The following PAK2 variants were observed in gnomAD, a reference collection of about 807,000 sequenced individuals.
PAK2 encodes the protein serine/threonine-protein kinase PAK 2.
In PAK2, 21 loss-of-function variants were observed where a neutral mutation model predicts 65.9. The ratio of observed to expected loss-of-function variants is 0.32; its 90% CI spans 0.23 to 0.46. The LOEUF is 0.46. Among genes scored for constraint, PAK2 ranks in the 20% least tolerant of loss-of-function variants. PAK2 has a pLI of 1.00. For synonymous variants in PAK2, 204 were observed against 219.7 expected (o/e 0.93, Z 0.63); for missense variants, 324 against 642.6 (o/e 0.50, Z 5.36).
chr3:196,763,951 A>G (rs1577705286), intron 1 of PAK2, among the ~76,000 whole-genome samples: 1 of 141,758 alleles, frequency 7.1e-6, no homozygotes, highest in African/African-American at 2.6e-5. Flanking sequence ...GGCGCCCACC[A>G]CCACGCCCGG....
chr3:196,760,498 G>A (rs1319689234), intron 1 of PAK2, among the ~76,000 whole-genome samples: 2 of 152,074 alleles, frequency 1.3e-5, no homozygotes, highest in Non-Finnish European at 2.9e-5. Context: ...TGAACCGCCG[G>A]CCTCAGCCTC....
chr3:196,803,438 T>G (rs755383911), intron 4 of PAK2, among the ~76,000 whole-genome samples: 39 of 152,316 alleles, frequency 2.6e-4, no homozygotes, highest in Non-Finnish European at 4.6e-4. Flanking sequence ...ATTGCTGTGT[T>G]TTTGTTTTCA....
intron 1 of PAK2, among the ~76,000 whole-genome samples, chr3:196,755,552 G>A (rs142983364): frequency 4.6e-5 from 7 of 151,232 alleles, no homozygotes; most frequent in Non-Finnish European, 7.4e-5. Flanking sequence ...TCTACTTCCC[G>A]GGTTCAAGTG....
rs558262079 is a variant in PAK2 at position 196,756,835 on chromosome 3, C to CA, written c.-22+16684dup. Among the ~76,000 whole-genome samples, 133 of 152,112 alleles carry CA rather than the reference C, an allele frequency of 8.7e-4. 1 individual carries two copies. The highest frequency in any genetic ancestry group is 3.0e-3 in the African/African-American group (125 of 41,492). On this transcript the variant is annotated intron_variant, in intron 1 of 14. Coordinates refer to ENST00000327134, the MANE Select transcript of PAK2 (RefSeq NM_002577.4). ...TGGGTGACAGAGCAAGATTCCATCT[C>CA]AAAAAAGAAAGAAAGAAACAAAATG...
intron 2 of PAK2, 30 bp downstream of exon 2, chr3:196,782,863 C>T: frequency 6.8e-7 from 1 of 1,474,858 alleles, no homozygotes; most frequent in South Asian, 1.2e-5. Flanking sequence ...TTCAGAGTCT[C>T]AGCATTGGTT....
intron 1 of PAK2, among the ~76,000 whole-genome samples, chr3:196,761,010 A>T (rs921178442): frequency 6.6e-6 from 1 of 152,052 alleles, no homozygotes; most frequent in Non-Finnish European, 1.5e-5. Context: ...GCTGAGGCGG[A>T]TGGAGATCAG....
intron 2 of PAK2, among the ~76,000 whole-genome samples, chr3:196,792,304 G>C (rs1715098590): frequency 6.6e-6 from 1 of 152,128 alleles, no homozygotes; most frequent in South Asian, 2.1e-4. Flanking sequence ...CTGTATGTAG[G>C]GTATTCCGTT....
intron 13 of PAK2, among the ~76,000 whole-genome samples, chr3:196,825,946 C>G (rs1387655179): frequency 6.6e-6 from 1 of 151,968 alleles, no homozygotes; most frequent in Non-Finnish European, 1.5e-5. Flanking sequence ...CATATTCAAG[C>G]AGTTCTCCTG....
intron 1 of PAK2, among the ~76,000 whole-genome samples, chr3:196,754,711 C>T (rs1247308745): frequency 1.3e-5 from 2 of 152,210 alleles, no homozygotes; most frequent in Non-Finnish European, 2.9e-5. Flanking sequence ...TTTTCCTGCC[C>T]TTACACAGCC....
At position 196,827,239 on chromosome 3, in the gene PAK2, A is replaced by G. The variant is rs759700892; in HGVS notation, c.1394A>G (p.Asn465Ser). Residue 465 changes from asparagine (N) to serine (S), a missense_variant, in exon 14 of 15, where the codon AAT (asparagine) becomes AGT (serine). Physicochemically the swap from Asn to Ser is conservative, Grantham distance 46. Around this residue, in one of 5 missense-constraint regions of PAK2, gnomAD observed 36 missense variants for 161.5 expected, o/e 0.22. Coordinates refer to ENST00000327134, the MANE Select transcript of PAK2 (RefSeq NM_002577.4). ...IATNGTPELQ[N>S]PEKLSPIFRD... ...ACTAATGGAACCCCAGAACTTCAGA[A>G]TCCAGAGAAACTTTCCCCAATATTT... is the stretch of plus-strand genomic sequence containing the variant. 1 of 1,610,902 alleles carries G rather than the reference A, an allele frequency of 6.2e-7. No homozygotes were observed. The highest frequency in any genetic ancestry group is 1.1e-5 in the South Asian group (1 of 90,880).
intron 10 of PAK2, among the ~76,000 whole-genome samples, chr3:196,813,706 C>CT (rs1280749119): frequency 2.6e-5 from 4 of 152,084 alleles, no homozygotes; most frequent in Non-Finnish European, 5.9e-5. Flanking sequence ...AATCCCAGCA[C>CT]TTTGGGAGGC....
intron 13 of PAK2, among the ~76,000 whole-genome samples, chr3:196,821,509 C>T (rs1178173782): frequency 1.3e-5 from 2 of 152,010 alleles, no homozygotes; most frequent in East Asian, 3.9e-4. Context: ...CATGGAGAAA[C>T]CCCATCTTTA....
intron 1 of PAK2, among the ~76,000 whole-genome samples, chr3:196,779,393 C>T (rs978650097): frequency 4.6e-5 from 7 of 152,196 alleles, no homozygotes; most frequent in African/African-American, 1.7e-4. Context: ...CTGGGCTCAT[C>T]TTCCATTTTC....
chr3:196,823,821 A>AG (rs971599248), intron 13 of PAK2, among the ~76,000 whole-genome samples: 1 of 151,784 alleles, frequency 6.6e-6, no homozygotes, highest in African/African-American at 2.4e-5. Context: ...CAAAAAAAAA[A>AG]AAAAAGAAAA....
Position 196,832,266 on chromosome 3 carries a change from T to C in PAK2, c.*3861T>C, listed in dbSNP as rs1712116049. 6.6e-6 allele frequency: 1 copy of C among 152,192 alleles called. No homozygotes were observed. The highest frequency in any genetic ancestry group is 1.5e-5 in the Non-Finnish European group (1 of 68,014). The allele number at this position is 152,192 out of a possible 1,614,324, so 9.4% of individuals were successfully genotyped here. On this transcript the variant is annotated 3_prime_UTR_variant, in exon 15 of 15. Transcript: ENST00000327134. ...AAACAGTTACGTGTGGAATTCAACA[T>C]CTTTGGTTGGAACGCATTGGCTTTT...
chr3:196,771,235 G>A (rs1714350786), intron 1 of PAK2, among the ~76,000 whole-genome samples: 1 of 152,026 alleles, frequency 6.6e-6, no homozygotes, highest in Non-Finnish European at 1.5e-5. Flanking sequence ...CTGTCTTCTT[G>A]CTTTCATTGT....
At chr3:196,813,671 G>A (rs926813652) in intron 10 of PAK2, among the ~76,000 whole-genome samples, 14 of 152,042 alleles carry the variant, frequency 9.2e-5, no homozygotes, top group Non-Finnish European at 1.9e-4. Context: ...AACTTTTCAG[G>A]CTAGGCACGG....
At chr3:196,781,973 G>T (rs1714728976) in intron 1 of PAK2, among the ~76,000 whole-genome samples, 1 of 152,162 alleles carries the variant, frequency 6.6e-6, no homozygotes, top group South Asian at 2.1e-4. Flanking sequence ...GAAAGTGGTG[G>T]CATGCGGCTG....
intron 2 of PAK2, among the ~76,000 whole-genome samples, chr3:196,785,612 A>G (rs1714860940): frequency 6.6e-6 from 1 of 152,212 alleles, no homozygotes; most frequent in Non-Finnish European, 1.5e-5. Flanking sequence ...TATCTGTTCA[A>G]GAGAAAGAAA....
Sources: allele counts gnomAD v4.1 joint callset (sites outside exome capture counted in the v4.1 genomes callset), GRCh38; gene constraint gnomAD v4.1.1; regional missense constraint gnomAD v4.1.1; transcripts MANE v1.5; gene names NCBI Gene and HGNC (gene_info 2026-07-23, HGNC 2026-07-21).